The following SLA2 variants were observed in gnomAD, a reference collection of about 807,000 sequenced individuals.
SLA2 encodes the protein src-like-adapter 2.
A neutral mutation model predicts 27.3 loss-of-function variants in SLA2; 22 were observed. The ratio of observed to expected loss-of-function variants is 0.81; its 90% CI spans 0.58 to 1.15. The LOEUF (loss-of-function observed/expected upper bound fraction) is 1.15, where lower values mean the gene tolerates loss of function less well. SLA2 is among the 50% of genes most tolerant of loss of function. The probability of loss-of-function intolerance (pLI) is 0.00; values close to 1 mark genes in which losing one functional copy is unlikely to be tolerated. For missense variants in SLA2, 304 were observed against 322.2 expected, an observed-to-expected ratio of 0.94 and a Z score of 0.43; for synonymous variants, 131 against 137.8, an observed-to-expected ratio of 0.95 and a Z score of 0.34.
chr20:36,619,220 GAAAAAAAAAAAAA>G (rs60021707), intron 5 of SLA2, among the ~76,000 whole-genome samples: 1 of 71,262 alleles, frequency 1.4e-5, no homozygotes, highest in East Asian at 4.8e-4. Context: ...GACTCTGGGG[GAAAAAAAAAAAAA>G]AAAAAAAAAA....
intron 1 of SLA2, 66 bp downstream of exon 1, chr20:36,645,771 G>A (rs1482886141): frequency 2.0e-5 from 3 of 152,246 alleles, no homozygotes; most frequent in African/African-American, 7.2e-5. Context: ...TCCCAGTCGG[G>A]GCAGGGGAGA....
At chr20:36,637,193 ATTTTTTTTTTTTTTTT>A (rs1175945445) in intron 2 of SLA2, among the ~76,000 whole-genome samples, 1 of 87,966 alleles carries the variant, frequency 1.1e-5, no homozygotes, top group Non-Finnish European at 2.2e-5. Flanking sequence ...GCGTGTGTGT[ATTTTTTTTTTTTTTTT>A]TTTTTTTTTT....
intron 2 of SLA2, among the ~76,000 whole-genome samples, chr20:36,637,193 A>ATTTT (rs1175945445): frequency 3.4e-5 from 3 of 87,966 alleles, no homozygotes; most frequent in African/African-American, 5.3e-5. Flanking sequence ...GCGTGTGTGT[A>ATTTT]TTTTTTTTTT....
intron 5 of SLA2, among the ~76,000 whole-genome samples, chr20:36,622,043 G>A (rs1383576039): frequency 2.0e-5 from 3 of 151,954 alleles, no homozygotes; most frequent in Admixed American, 1.3e-4. Flanking sequence ...ACATTGGCTG[G>A]GTGCGGTGGC....
chr20:36,621,291 T>C (rs576858207), intron 5 of SLA2: 9 of 600,946 alleles, frequency 1.5e-5, no homozygotes, highest in South Asian at 5.6e-5. Flanking sequence ...TTAGCAATTA[T>C]AGTGGACAAC....
chr20:36,620,615 G>A lies in SLA2; in HGVS notation c.383-5241C>T, dbSNP rs1362491649. 3.4e-5 allele frequency: 5 copies of A among 147,900 alleles called. No individual in the cohort carries two copies. In the East Asian group the frequency reaches 1.0e-3, roughly 30 times the overall value. 9.2% of individuals were successfully genotyped at this position (147,900 alleles called of 1,614,324 possible). A position where few individuals can be genotyped will look rare whatever the true frequency, so the allele number is the denominator to read the frequency against. ...GACAGAGTCTCCGTCTGTTGCCCAGGCTGGAGTACAGTGGTGAAATCTAGG... is the reference window on the plus strand; with the variant it reads ...GACAGAGTCTCCGTCTGTTGCCCAGACTGGAGTACAGTGGTGAAATCTAGG... On this transcript the variant is annotated intron_variant, in intron 5 of 7. Transcript: ENST00000262866.
intron 1 of SLA2, among the ~76,000 whole-genome samples, chr20:36,645,041 G>A (rs1397376594): frequency 6.6e-6 from 1 of 151,836 alleles, no homozygotes; most frequent in African/African-American, 2.4e-5. Context: ...AGCAGTGGGG[G>A]TAAGAGTGAT....
chr20:36,629,971 TTCTCACTCACAGAG>T (rs1449587640), intron 5 of SLA2, among the ~76,000 whole-genome samples: 4 of 152,024 alleles, frequency 2.6e-5, no homozygotes, highest in Non-Finnish European at 5.9e-5. Flanking sequence ...CGGCTTTCTC[TTCTCACTCACAGAG>T]TTTTCTCTTT....
In SLA2 at chr20:36,645,954, C is replaced by T. The variant is rs1310389260; in HGVS notation, c.-161G>A. 1 of 152,206 alleles carries T rather than the reference C, an allele frequency of 6.6e-6. No individual in the cohort carries two copies. Among genetic ancestry groups the T allele is most frequent in the African/African-American group, 2.4e-5 (1 of 41,410 alleles). 9.4% of individuals were successfully genotyped at this position (152,206 alleles called of 1,614,324 possible). On this transcript the variant is annotated 5_prime_UTR_variant, in exon 1 of 8. Transcript: ENST00000262866. Reference sequence around the variant, plus strand: ...GCCAGTGTCCTTGGTCCTAGGACACCCAGAACTCTCTCAGCCTGGGAGGAT... The same window carrying T: ...GCCAGTGTCCTTGGTCCTAGGACACTCAGAACTCTCTCAGCCTGGGAGGAT...
rs549057164 is a variant in SLA2, at chr20:36,633,442, C to T, written c.278+101G>A. On this transcript the variant is annotated intron_variant, in intron 4 of 7. Coordinates refer to ENST00000262866, the MANE Select transcript of SLA2 (RefSeq NM_032214.4). ...GCAGGACCTGGGTTCGATTCTCCCC[C>T]ATCCCCAGCTTTGCTCAGCGCAGAG... 1.3e-4 allele frequency: 134 copies of T among 998,134 alleles called. No homozygotes were observed. In the South Asian group the frequency reaches 1.7e-3, roughly 13 times the overall value. 61.8% of individuals were successfully genotyped at this position (998,134 alleles called of 1,614,324 possible).
intron 5 of SLA2, 26 bp from the exon 6 acceptor site, chr20:36,615,400 G>A (rs202240374): frequency 3.7e-6 from 6 of 1,612,146 alleles, no homozygotes; most frequent in Non-Finnish European, 4.2e-6. Context: ...TCCAGGGGTG[G>A]CACTGAGGCC....
At chr20:36,631,628 G>A (rs1568606684) in intron 5 of SLA2, among the ~76,000 whole-genome samples, 1 of 152,112 alleles carries the variant, frequency 6.6e-6, no homozygotes, top group African/African-American at 2.4e-5. Flanking sequence ...GCATTGGAGG[G>A]GCAAGCCCTG....
At chr20:36,614,971 G>A (rs1355136854) in intron 6 of SLA2, 1 of 985,300 alleles carries the variant, frequency 1.0e-6, no homozygotes, top group African/African-American at 1.7e-5. Flanking sequence ...GGGGCTCTGA[G>A]TCAGAACCAG....
At chr20:36,622,277 T>G (rs149696203) in intron 5 of SLA2, among the ~76,000 whole-genome samples, 2,714 of 149,948 alleles carry the variant, frequency 0.018, 92 homozygotes, top group African/African-American at 0.063. Flanking sequence ...CTCAGGAGGC[T>G]GAGGCAGGAG....
At chr20:36,644,115 G>GT (rs1046316986) in intron 1 of SLA2, among the ~76,000 whole-genome samples, 10 of 152,156 alleles carry the variant, frequency 6.6e-5, no homozygotes, top group Admixed American at 5.2e-4. Flanking sequence ...TGCAGCCTGG[G>GT]TACACTGAAA....
intron 2 of SLA2, among the ~76,000 whole-genome samples, chr20:36,635,017 G>T (rs2039430575): frequency 6.6e-6 from 1 of 152,052 alleles, no homozygotes; most frequent in African/African-American, 2.4e-5. Flanking sequence ...TTTTAGTAGA[G>T]ATGAGGTCTT....
At chr20:36,621,999 G>T (rs1351842529) in intron 5 of SLA2, among the ~76,000 whole-genome samples, 3 of 151,988 alleles carry the variant, frequency 2.0e-5, no homozygotes, top group Admixed American at 1.3e-4. Context: ...CTAGCCAACA[G>T]AGGAAGACTC....
At chr20:36,614,872 C>T (rs1026159091) in intron 6 of SLA2, 2 of 985,236 alleles carry the variant, frequency 2.0e-6, no homozygotes. Context: ...AGGACAGGCA[C>T]CAGGAAGTAC....
At chr20:36,622,421 A>G (rs1198356725) in intron 5 of SLA2, among the ~76,000 whole-genome samples, 2 of 149,728 alleles carry the variant, frequency 1.3e-5, no homozygotes, top group Non-Finnish European at 2.9e-5. Context: ...ATCATTTGAC[A>G]AAATTCAACA....
Sources: gnomAD v4.1 joint callset for allele counts (sites outside exome capture counted in the v4.1 genomes callset) on GRCh38, gnomAD v4.1.1 for gene constraint, MANE v1.5 for transcripts, NCBI Gene and HGNC (gene_info 2026-07-23, HGNC 2026-07-21) for gene names.